Variants in SERPINA6 observed in about 807,000 individuals in gnomAD.
The protein encoded by SERPINA6 is serpin family A member 6, also known as corticosteroid-binding globulin.
SERPINA6 carries 19 observed loss-of-function variants against 26.4 expected under a neutral mutation model. That is an observed-to-expected ratio of 0.72 (90% CI 0.50 to 1.06). The LOEUF (loss-of-function observed/expected upper bound fraction) is 1.06. SERPINA6 is among the 50% of genes least tolerant of loss of function. The pLI, the probability that SERPINA6 is intolerant of heterozygous loss-of-function variation, is 0.00. For synonymous variants in SERPINA6, 196 were observed against 199.4 expected, an observed-to-expected ratio of 0.98 and a Z score of 0.14; for missense variants, 473 against 504.0, an observed-to-expected ratio of 0.94 and a Z score of 0.59.
intron 1 of SERPINA6, among the ~76,000 whole-genome samples, chr14:94,318,766 T>C (rs1895645613): frequency 6.6e-6 from 1 of 152,156 alleles, no homozygotes; most frequent in Non-Finnish European, 1.5e-5. Flanking sequence ...ATTTCTTGAA[T>C]ATCACACCAA....
chr14:94,322,907 T>C (rs1460540187), intron 1 of SERPINA6, among the ~76,000 whole-genome samples: 1 of 152,026 alleles, frequency 6.6e-6, no homozygotes, highest in Non-Finnish European at 1.5e-5. Flanking sequence ...CTGGAGCAGA[T>C]GCATTGTAGC....
chr14:94,305,926 A>G (rs1456918060), intron 4 of SERPINA6, 145 bp downstream of exon 4: 1 of 820,464 alleles, frequency 1.2e-6, no homozygotes, highest in African/African-American at 1.7e-5. Flanking sequence ...CCTCATGGTG[A>G]GACAAGGGGC....
intron 2 of SERPINA6, among the ~76,000 whole-genome samples, chr14:94,311,578 C>T (rs923096293): frequency 5.3e-5 from 8 of 151,804 alleles, no homozygotes; most frequent in African/African-American, 1.5e-4. Context: ...AAGGATGGCT[C>T]CTCTGGAAAA....
rs150290322 is a variant in SERPINA6, at chr14:94,309,747, G to A, written c.873C>T (p.Gly291=). 249 of 1,614,022 alleles carry A rather than the reference G, an allele frequency of 1.5e-4. No individual in the cohort carries two copies. The highest frequency in any genetic ancestry group is 2.0e-4 in the Non-Finnish European group (235 of 1,180,016). The change falls in exon 3 of 5, where the codon GGC becomes GGT. Residue 291 remains glycine (G), a synonymous_variant. Coordinates refer to ENST00000341584, the MANE Select transcript of SERPINA6 (RefSeq NM_001756.4). ...SRDTINRWSA[G]LTSSQVDLYI... The stretch of plus-strand genomic sequence containing the variant: ...GCTGGAGGACTTACCTGCTGGTCAG[G>A]CCTGCGGACCACCTGTTAATCGTGT...
At chr14:94,304,695 T>C (rs1217025369) in intron 4 of SERPINA6, 92 bp from the exon 5 acceptor site, 3 of 1,136,312 alleles carry the variant, frequency 2.6e-6, no homozygotes, top group Non-Finnish European at 3.8e-6. Flanking sequence ...TCCTTGGTTT[T>C]AGGAAGGTAA....
At chr14:94,323,093 G>A (rs1379406329) in intron 1 of SERPINA6, among the ~76,000 whole-genome samples, 174 bp downstream of exon 1, 1 of 152,214 alleles carries the variant, frequency 6.6e-6, no homozygotes, top group Non-Finnish European at 1.5e-5. Flanking sequence ...ACAGACTCCG[G>A]GGTCTGGAAA....
At chr14:94,318,180 A>G (rs1198698842) in intron 1 of SERPINA6, among the ~76,000 whole-genome samples, 1 of 152,252 alleles carries the variant, frequency 6.6e-6, no homozygotes, top group Non-Finnish European at 1.5e-5. Context: ...ATTAAAGAGG[A>G]CATAAATAAA....
chr14:94,308,539 T>A (rs1242706594), intron 3 of SERPINA6, among the ~76,000 whole-genome samples: 1 of 150,974 alleles, frequency 6.6e-6, no homozygotes, highest in Non-Finnish European at 1.5e-5. Flanking sequence ...CACTCTCTCC[T>A]CAGCATCCCC....
At chr14:94,320,911 A>T (rs1895676006) in intron 1 of SERPINA6, among the ~76,000 whole-genome samples, 1 of 152,048 alleles carries the variant, frequency 6.6e-6, no homozygotes, top group Non-Finnish European at 1.5e-5. Context: ...GCTTTATTGA[A>T]TTCTCCATCG....
intron 2 of SERPINA6, 78 bp from the exon 3 acceptor site, chr14:94,310,084 A>C: frequency 1.4e-6 from 2 of 1,427,598 alleles, no homozygotes; most frequent in Non-Finnish European, 2.0e-6. Flanking sequence ...CTACTATCCA[A>C]GTGACACAGT....
At position 94,306,790 on chromosome 14, in the gene SERPINA6, C is replaced by T. The variant is rs1278073053; in HGVS notation, c.885-572G>A. On this transcript the variant is annotated intron_variant, in intron 3 of 4. Coordinates refer to ENST00000341584, the MANE Select transcript of SERPINA6 (RefSeq NM_001756.4). Reference sequence around the variant, plus strand: ...AGCTGGCAGTTTCTACCAGATGAAGCAGGTGGGGTTTCTAGAAAGGTAAGT... The same window carrying T: ...AGCTGGCAGTTTCTACCAGATGAAGTAGGTGGGGTTTCTAGAAAGGTAAGT... 2.0e-5 allele frequency among the ~76,000 whole-genome samples: 3 copies of T among 152,350 alleles called. No homozygotes were observed. In the East Asian group the frequency reaches 5.8e-4, roughly 29 times the overall value.
chr14:94,309,122 T>C (rs948663884), intron 3 of SERPINA6, among the ~76,000 whole-genome samples: 1 of 152,234 alleles, frequency 6.6e-6, no homozygotes, highest in African/African-American at 2.4e-5. Flanking sequence ...GGGAATCCAT[T>C]GGCCGCTTCT....
intron 1 of SERPINA6, among the ~76,000 whole-genome samples, chr14:94,319,448 G>A (rs1044854128): frequency 3.3e-5 from 5 of 152,064 alleles, no homozygotes; most frequent in East Asian, 1.9e-4. Flanking sequence ...ATTTTGCTTC[G>A]AGTATATACA....
At chr14:94,305,560 C>T (rs946085638) in intron 4 of SERPINA6, among the ~76,000 whole-genome samples, 2 of 152,136 alleles carry the variant, frequency 1.3e-5, no homozygotes, top group Non-Finnish European at 2.9e-5. Context: ...GGTCAGGGGC[C>T]ACACATCTGA....
At chr14:94,307,942 C>T (rs1895465799) in intron 3 of SERPINA6, among the ~76,000 whole-genome samples, 2 of 152,212 alleles carry the variant, frequency 1.3e-5, no homozygotes, top group African/African-American at 2.4e-5. Flanking sequence ...AATCTGAAAC[C>T]ATAAACCACA....
At chr14:94,307,808 A>G (rs1306515778) in intron 3 of SERPINA6, among the ~76,000 whole-genome samples, 1 of 152,198 alleles carries the variant, frequency 6.6e-6, no homozygotes, top group Non-Finnish European at 1.5e-5. Context: ...TGACTACATG[A>G]CTTCCCTACA....
chr14:94,320,424 T>C (rs1018420227), intron 1 of SERPINA6, among the ~76,000 whole-genome samples: 8 of 152,178 alleles, frequency 5.3e-5, no homozygotes, highest in African/African-American at 1.9e-4. Flanking sequence ...TCAGACATGT[T>C]CAAACAAGGC....
chr14:94,309,680 C>T, intron 3 of SERPINA6, 56 bp downstream of exon 3: 2 of 1,600,852 alleles, frequency 1.2e-6, no homozygotes, highest in African/African-American at 1.3e-5. Context: ...TCCACGTGCC[C>T]CACTTTCTGG....
Position 94,304,338 on chromosome 14 carries a change from C to A in SERPINA6, c.*80G>T. On this transcript the variant is annotated 3_prime_UTR_variant, in exon 5 of 5. Coordinates refer to ENST00000341584, the MANE Select transcript of SERPINA6 (RefSeq NM_001756.4). ...AGAACTTGGAGGAGATTGGGGGAAA[C>A]CTCCCGCTCTCCAAAACATTTCTGT... 3 of 1,413,202 alleles carry A rather than the reference C, an allele frequency of 2.1e-6. No individual in the cohort carries two copies. Among genetic ancestry groups the A allele is most frequent in the Middle Eastern group, 2.0e-4 (1 of 4,914 alleles). 87.5% of individuals were successfully genotyped at this position (1,413,202 alleles called of 1,614,324 possible). A position where few individuals can be genotyped will look rare whatever the true frequency, so the allele number is the denominator to read the frequency against.
Sources: allele counts gnomAD v4.1 joint callset (sites outside exome capture counted in the v4.1 genomes callset), GRCh38; gene constraint gnomAD v4.1.1; transcripts MANE v1.5; gene names NCBI Gene and HGNC (gene_info 2026-07-23, HGNC 2026-07-21).